CFAP61: variants seen among roughly 807,000 people sequenced by gnomAD.
CFAP61 encodes the protein cilia and flagella associated protein 61.
A neutral mutation model predicts 135.6 loss-of-function variants in CFAP61; 107 were observed. The observed-to-expected ratio is 0.79, with a 90% confidence interval of 0.67 to 0.93. The LOEUF (loss-of-function observed/expected upper bound fraction) is 0.93, where lower values mean the gene tolerates loss of function less well. Among genes scored for constraint, CFAP61 ranks in the 40% least tolerant of loss-of-function variants. CFAP61 has a pLI of 0.00. For missense variants in CFAP61, 1,507 were observed against 1,556.2 expected (o/e 0.97, Z 0.53); for synonymous variants, 575 against 578.5 (o/e 0.99, Z 0.09).
rs79745347 is a variant in CFAP61, at chr20:20,235,153, C to T, written c.2060+6777C>T. Among the ~76,000 whole-genome samples, 522 of 152,200 alleles carry T rather than the reference C, an allele frequency of 3.4e-3. 5 individuals are homozygous for T. Among genetic ancestry groups the T allele is most frequent in the African/African-American group, 0.012 (496 of 41,524 alleles). On this transcript the variant is annotated intron_variant, in intron 18 of 26. Coordinates refer to ENST00000245957, the MANE Select transcript of CFAP61 (RefSeq NM_015585.4). ...CAGCTGCATCTGACTCCTGGTGAGACGTTCCCTGGAGTCTGCAGAACATCC... is the reference window on the plus strand; with the variant it reads ...CAGCTGCATCTGACTCCTGGTGAGATGTTCCCTGGAGTCTGCAGAACATCC...
Position 20,288,756 on chromosome 20 carries a change from A to G in CFAP61, c.2944A>G (p.Lys982Glu). The G allele has an allele frequency of 1.2e-6, 2 of 1,614,194 alleles. No individual in the cohort carries two copies. Among genetic ancestry groups the G allele is most frequent in the Non-Finnish European group, 1.7e-6 (2 of 1,180,022 alleles). Residue 982 changes from lysine to glutamate, a missense_variant, in exon 23 of 27, where the codon AAA becomes GAA. Coordinates refer to ENST00000245957, the MANE Select transcript of CFAP61 (RefSeq NM_015585.4). ...CATCAGAGCTGCTGGCTCCCTCACC[A>G]AATTCTCCAATAGATACTACTCAAA... ...IAIRAAGSLTKFSNRYYSNEW... is the reference protein window; with the variant it reads ...IAIRAAGSLTEFSNRYYSNEW...
At chr20:20,309,688 C>A (rs772443350) in intron 25 of CFAP61, among the ~76,000 whole-genome samples, 1 of 151,968 alleles carries the variant, frequency 6.6e-6, no homozygotes, top group Admixed American at 6.5e-5. Context: ...TCATCATTTA[C>A]CTATTATAAG....
chr20:20,337,362 A>G (rs1569310607), intron 25 of CFAP61, among the ~76,000 whole-genome samples: 146 of 108,790 alleles, frequency 1.3e-3, no homozygotes, highest in South Asian at 2.8e-3. Context: ...GGGTGGATGG[A>G]TGGATGGATG....
chr20:20,187,241 C>T (rs919890728), intron 13 of CFAP61, among the ~76,000 whole-genome samples: 1 of 152,200 alleles, frequency 6.6e-6, no homozygotes, highest in African/African-American at 2.4e-5. Context: ...GGGCTTCCCC[C>T]AACCAAAGCA....
chr20:20,135,588 T>A (rs533072812), intron 8 of CFAP61, among the ~76,000 whole-genome samples: 4 of 152,220 alleles, frequency 2.6e-5, no homozygotes, highest in African/African-American at 7.2e-5. Flanking sequence ...TATTTTAAAC[T>A]GATGACAACT....
chr20:20,136,878 C>T (rs542393324), intron 8 of CFAP61, among the ~76,000 whole-genome samples: 10 of 152,178 alleles, frequency 6.6e-5, no homozygotes, highest in Non-Finnish European at 1.5e-4. Flanking sequence ...TTGTACTTTT[C>T]CTTCTTGGGA....
chr20:20,102,814 C>G (rs2048123128), intron 8 of CFAP61, among the ~76,000 whole-genome samples: 1 of 152,176 alleles, frequency 6.6e-6, no homozygotes, highest in Non-Finnish European at 1.5e-5. Context: ...AAGATCTGAT[C>G]TTTCCCTGCC....
At chr20:20,265,426 G>T in intron 21 of CFAP61, 1 of 779,814 alleles carries the variant, frequency 1.3e-6, no homozygotes, top group Admixed American at 1.7e-5. Context: ...TGGAGGAAGA[G>T]CATCAGTGTT....
At chr20:20,180,706 A>T (rs1039567349) in intron 13 of CFAP61, among the ~76,000 whole-genome samples, 1 of 152,172 alleles carries the variant, frequency 6.6e-6, no homozygotes, top group Non-Finnish European at 1.5e-5. Context: ...ACATACACAC[A>T]CATGTTCATT....
At chr20:20,197,219 T>C (rs1448245489) in intron 16 of CFAP61, among the ~76,000 whole-genome samples, 2 of 152,196 alleles carry the variant, frequency 1.3e-5, no homozygotes, top group Admixed American at 6.5e-5. Context: ...AAATAAGCAC[T>C]ATACACACCC....
chr20:20,195,704 T>G (rs2056234110), intron 15 of CFAP61, among the ~76,000 whole-genome samples: 1 of 152,122 alleles, frequency 6.6e-6, no homozygotes, highest in African/African-American at 2.4e-5. Flanking sequence ...TCAAGGGGGA[T>G]AGAAGGTTTA....
intron 18 of CFAP61, among the ~76,000 whole-genome samples, chr20:20,229,164 G>A (rs2048949552): frequency 6.6e-6 from 1 of 152,056 alleles, no homozygotes; most frequent in Non-Finnish European, 1.5e-5. Context: ...TGATGCTCAG[G>A]GATTTCCAGC....
At chr20:20,251,259 T>C (rs924777931) in intron 19 of CFAP61, among the ~76,000 whole-genome samples, 4 of 151,908 alleles carry the variant, frequency 2.6e-5, no homozygotes, top group African/African-American at 9.7e-5. Flanking sequence ...TAAAGTAAAT[T>C]TACAACCACT....
chr20:20,171,415 G>A (rs1319510022), intron 13 of CFAP61, among the ~76,000 whole-genome samples: 1 of 152,212 alleles, frequency 6.6e-6, no homozygotes, highest in African/African-American at 2.4e-5. Context: ...GAAGCATGAG[G>A]TGTGTGAATT....
At chr20:20,337,514 A>ATAGATGGGTGGG (rs2058263805) in intron 25 of CFAP61, among the ~76,000 whole-genome samples, 1 of 22,910 alleles carries the variant, frequency 4.4e-5, no homozygotes, top group Non-Finnish European at 1.2e-4. Context: ...GGATAAATGG[A>ATAGATGGGTGGG]TGGATGGATG....
rs548625121 is a variant in CFAP61, at chr20:20,288,762, T to C, written c.2950T>C (p.Ser984Pro). ...IRAAGSLTKF[S>P]NRYYSNEWTH... ...AGCTGCTGGCTCCCTCACCAAATTCTCCAATAGATACTACTCAAATGAGTG... is the reference window on the plus strand; with the variant it reads ...AGCTGCTGGCTCCCTCACCAAATTCCCCAATAGATACTACTCAAATGAGTG... Residue 984 changes from serine to proline, a missense_variant, in exon 23 of 27, where the codon TCC (serine) becomes CCC (proline). Ser to Pro is a moderately conservative substitution (Grantham distance 74). Coordinates refer to ENST00000245957, the MANE Select transcript of CFAP61 (RefSeq NM_015585.4). The C allele has an allele frequency of 6.2e-7, 1 of 1,614,174 alleles. No homozygotes were observed.
In CFAP61 at chr20:20,199,802, C is replaced by T. The variant is rs2056512700; in HGVS notation, c.1832C>T (p.Ala611Val). The T allele has an allele frequency of 6.2e-7, 1 of 1,614,150 alleles. No homozygotes were observed. Among genetic ancestry groups the T allele is most frequent in the African/African-American group, 1.3e-5 (1 of 75,058 alleles). ...QNPYAHSLTS[A>V]LHYLVPVRPR... ...CCCTACGCCCACTCCCTGACATCTG[C>T]CCTTCATTACTTGGTTCCCGTGCGA... The change falls in exon 17 of 27, where the codon GCC becomes GTC. Residue 611 changes from alanine to valine, a missense_variant. Ala to Val is a moderately conservative substitution (Grantham distance 64). Transcript: ENST00000245957.
intron 1 of CFAP61, among the ~76,000 whole-genome samples, chr20:20,055,581 T>G (rs1020412710): frequency 1.3e-5 from 2 of 152,222 alleles, no homozygotes; most frequent in East Asian, 1.9e-4. Context: ...TCGCTCGCTT[T>G]CTTTCTTCTT....
intron 22 of CFAP61, among the ~76,000 whole-genome samples, chr20:20,278,851 C>G (rs1336792525): frequency 1.3e-5 from 2 of 152,200 alleles, no homozygotes; most frequent in East Asian, 3.8e-4. Context: ...TTTATTCATT[C>G]ATTCCATAAA....
Sources: gnomAD v4.1 joint callset for allele counts (sites outside exome capture counted in the v4.1 genomes callset) on GRCh38, gnomAD v4.1.1 for gene constraint, MANE v1.5 for transcripts, NCBI Gene and HGNC (gene_info 2026-07-23, HGNC 2026-07-21) for gene names.